The following USH2A variants were observed in gnomAD, a reference collection of about 807,000 sequenced individuals.
USH2A encodes the protein usherin, also known as Usher syndrome 2A (autosomal recessive, mild).
Under a neutral mutation model 538.9 loss-of-function variants are expected in USH2A, and 443 were observed. That is an observed-to-expected ratio of 0.82 (90% CI 0.76 to 0.89). The LOEUF (loss-of-function observed/expected upper bound fraction) is 0.89. Ranked by LOEUF, USH2A falls within the 40% of genes least tolerant of loss-of-function variation. USH2A has a pLI of 0.00. For missense variants in USH2A, 6,633 were observed against 6,324.8 expected (o/e 1.05, Z -1.65); for synonymous variants, 2,413 against 2,273.5 (o/e 1.06, Z -1.75).
chr1:216,089,090 C>T lies in USH2A; in HGVS notation c.4808G>A (p.Ser1603Asn). Residue 1603 changes from serine to asparagine, a missense_variant, in exon 23 of 72, where the codon AGT becomes AAT. Transcript: ENST00000307340. ...TTTNDHGKQY[S>N]DGKWHEIIAI... ...AATTATTTCATGCCATTTTCCATCA[C>T]TATATTGTTTGCCATGATCATTAGT... The T allele has an allele frequency of 6.2e-7, 1 of 1,613,368 alleles. No individual in the cohort carries two copies. The highest frequency in any genetic ancestry group is 8.5e-7 in the Non-Finnish European group (1 of 1,179,506).
intron 60 of USH2A, among the ~76,000 whole-genome samples, chr1:215,736,022 T>C (rs1290297672): frequency 2.0e-5 from 3 of 152,158 alleles, no homozygotes; most frequent in Non-Finnish European, 4.4e-5. Flanking sequence ...GGGAACACAG[T>C]GACTTGCCTA....
At chr1:216,134,001 T>C (rs1303265148) in intron 21 of USH2A, among the ~76,000 whole-genome samples, 1 of 152,116 alleles carries the variant, frequency 6.6e-6, no homozygotes, top group African/African-American at 2.4e-5. Flanking sequence ...ATCTATCATG[T>C]TGCTTCTAGG....
chr1:216,105,338 T>C (rs12751218), intron 21 of USH2A, among the ~76,000 whole-genome samples: 51,350 of 151,526 alleles, frequency 0.34, 9,936 homozygotes, highest in East Asian at 0.82. Flanking sequence ...ATGCATGATG[T>C]GAGATAGGGG....
intron 60 of USH2A, among the ~76,000 whole-genome samples, chr1:215,735,683 C>G (rs1032976049): frequency 3.3e-5 from 5 of 151,956 alleles, no homozygotes; most frequent in Non-Finnish European, 5.9e-5. Flanking sequence ...GTTTAACATT[C>G]CAGACATTTT....
intron 43 of USH2A, among the ~76,000 whole-genome samples, chr1:215,876,229 A>C (rs1189474101): frequency 1.3e-5 from 2 of 152,188 alleles, no homozygotes; most frequent in East Asian, 3.9e-4. Context: ...TAGGATAAGC[A>C]ACATGGATCT....
intron 47 of USH2A, among the ~76,000 whole-genome samples, chr1:215,833,304 A>T (rs12046040): frequency 0.35 from 53,096 of 151,774 alleles, 10,538 homozygotes; most frequent in Admixed American, 0.51. Flanking sequence ...ACAGCTTACT[A>T]TAGAGCTGTA....
rs116833650 is a variant in USH2A, at chr1:215,767,191, T to G, written c.10940-403A>C. Among the ~76,000 whole-genome samples, 714 of 150,516 alleles carry G rather than the reference T, an allele frequency of 4.7e-3. 15 individuals are homozygous for G. Among genetic ancestry groups the G allele is most frequent in the African/African-American group, 0.016 (674 of 41,426 alleles). ...AGTCCTTCCTTATATTGTGATGAAATCTTTCTATCACTTTCACCCCTGGGG... is the reference window on the plus strand; with the variant it reads ...AGTCCTTCCTTATATTGTGATGAAAGCTTTCTATCACTTTCACCCCTGGGG... On this transcript the variant is annotated intron_variant, in intron 55 of 71. Coordinates refer to ENST00000307340, the MANE Select transcript of USH2A (RefSeq NM_206933.4).
chr1:215,816,850 G>T, intron 48 of USH2A, 147 bp downstream of exon 48: 1 of 850,776 alleles, frequency 1.2e-6, no homozygotes, highest in African/African-American at 1.7e-5. Context: ...AGTGATTTTT[G>T]TAAGCATCCT....
chr1:216,173,379 C>CAGAACAT (rs1454618155), intron 21 of USH2A, among the ~76,000 whole-genome samples: 2 of 152,090 alleles, frequency 1.3e-5, no homozygotes, highest in Non-Finnish European at 2.9e-5. Flanking sequence ...AGCAATGTCC[C>CAGAACAT]AGAACATGCC....
chr1:216,378,002 G>C (rs908895295), intron 3 of USH2A, among the ~76,000 whole-genome samples: 2 of 151,954 alleles, frequency 1.3e-5, no homozygotes, highest in Admixed American at 6.6e-5. Flanking sequence ...TGTGTGCTTC[G>C]GATGGTTCTG....
rs1663782195 is a variant in USH2A, at chr1:215,844,431, T to A, written c.9121A>T (p.Thr3041Ser). ...INSTAVRVIWTSPSNPNGVVT... is the reference protein window; with the variant it reads ...INSTAVRVIWSSPSNPNGVVT... The stretch of plus-strand genomic sequence containing the variant: ...ACACCATTTGGGTTTGAAGGAGATG[T>A]CCAGATGACACGTACAGCTGTACTG... The change falls in exon 46 of 72, where the codon ACA (threonine) becomes TCA (serine). Residue 3041 changes from threonine (T) to serine (S), a missense_variant. Transcript: ENST00000307340. 6.2e-7 allele frequency: 1 copy of A among 1,613,250 alleles called. No individual in the cohort carries two copies. Among genetic ancestry groups the A allele is most frequent in the South Asian group, 1.1e-5 (1 of 91,092 alleles).
At chr1:215,856,268 A>C (rs573393792) in intron 44 of USH2A, among the ~76,000 whole-genome samples, 13 of 152,352 alleles carry the variant, frequency 8.5e-5, no homozygotes, top group South Asian at 2.1e-4. Flanking sequence ...AGTGGGAGAC[A>C]GTCTTAAAAA....
At chr1:215,640,808 A>G (rs2102636270) in intron 67 of USH2A, 74 bp from the exon 68 acceptor site, 4 of 1,503,758 alleles carry the variant, frequency 2.7e-6, no homozygotes, top group East Asian at 4.6e-5. Flanking sequence ...TTTAAAAAAA[A>G]AAAATATGAG....
At chr1:215,762,794 A>G (rs1661017948) in intron 56 of USH2A, among the ~76,000 whole-genome samples, 1 of 152,198 alleles carries the variant, frequency 6.6e-6, no homozygotes, top group South Asian at 2.1e-4. Flanking sequence ...AAGTGAAAGA[A>G]ATGAATAGTA....
At position 216,219,190 on chromosome 1, in the gene USH2A, A is replaced by G. The variant is rs550911027; in HGVS notation, c.2994-1640T>C. Among the ~76,000 whole-genome samples the G allele has an allele frequency of 1.4e-4, 22 of 152,198 alleles. No homozygotes were observed. The South Asian group carries it at 1.9e-3, about 13-fold the overall frequency. On this transcript the variant is annotated intron_variant, in intron 14 of 71. Coordinates refer to ENST00000307340, the MANE Select transcript of USH2A (RefSeq NM_206933.4). ...TGTAGTTCTATTTTCTTCCAGCCAA[A>G]GCACGCAATGTTTTGAGCAATTAAA...
intron 15 of USH2A, among the ~76,000 whole-genome samples, chr1:216,208,314 A>G (rs1319792477): frequency 6.6e-6 from 1 of 152,150 alleles, no homozygotes; most frequent in Non-Finnish European, 1.5e-5. Flanking sequence ...TTAAAGAAGC[A>G]CAACCTAATC....
Position 216,190,376 on chromosome 1 carries a change from C to T in USH2A, c.4252-9G>A, listed in dbSNP as rs754718020. The T allele has an allele frequency of 1.2e-6, 2 of 1,603,892 alleles. No individual in the cohort carries two copies. Among genetic ancestry groups the T allele is most frequent in the South Asian group, 2.2e-5 (2 of 90,832 alleles). On this transcript the variant is annotated splice_polypyrimidine_tract_variant and intron_variant, in intron 19 of 71. Transcript: ENST00000307340. Reference sequence around the variant, plus strand: ...TTAGCAGTGTGCAACAGCTTCAAGGCAAAAAAGAAAGAAAGAAAGAAAGAA... The same window carrying T: ...TTAGCAGTGTGCAACAGCTTCAAGGTAAAAAAGAAAGAAAGAAAGAAAGAA...
chr1:215,775,843 T>C (rs550948014), intron 55 of USH2A, among the ~76,000 whole-genome samples: 6 of 152,346 alleles, frequency 3.9e-5, no homozygotes, highest in Non-Finnish European at 5.9e-5. Flanking sequence ...TCTAGGAAGA[T>C]GAGAAACGAA....
rs1168207143 is a variant in USH2A at position 216,191,037 on chromosome 1, C to T, written c.4252-670G>A. 4.6e-5 allele frequency among the ~76,000 whole-genome samples: 7 copies of T among 152,034 alleles called. No homozygotes were observed. In the South Asian group the frequency reaches 1.5e-3, roughly 32 times the overall value. Reference sequence around the variant, plus strand: ...TTGAGCAAAGAAGACTGACAGGAAACTCACAGTCCATAAATAAATTATTAA... The same window carrying T: ...TTGAGCAAAGAAGACTGACAGGAAATTCACAGTCCATAAATAAATTATTAA... On this transcript the variant is annotated intron_variant, in intron 19 of 71. Transcript: ENST00000307340.
Sources: gnomAD v4.1 joint callset for allele counts (sites outside exome capture counted in the v4.1 genomes callset) on GRCh38, gnomAD v4.1.1 for gene constraint, MANE v1.5 for transcripts, NCBI Gene and HGNC (gene_info 2026-07-23, HGNC 2026-07-21) for gene names.